The following AASS variants were observed in gnomAD, a reference collection of about 807,000 sequenced individuals.
The protein encoded by AASS is aminoadipate-semialdehyde synthase.
In AASS, 86 loss-of-function variants were observed where a neutral mutation model predicts 105.4. The observed-to-expected ratio is 0.82, with a 90% CI of 0.69 to 0.98. The LOEUF (loss-of-function observed/expected upper bound fraction) is 0.98, where lower values mean the gene tolerates loss of function less well. AASS is among the 50% of genes least tolerant of loss of function. AASS has a pLI of 0.00. For missense variants in AASS, 1,048 were observed against 1,143.2 expected, an observed-to-expected ratio of 0.92 and a Z score of 1.20; for synonymous variants, 381 against 394.8, an observed-to-expected ratio of 0.96 and a Z score of 0.41.
chr7:122,099,791 A>C (rs1794341423), intron 13 of AASS, among the ~76,000 whole-genome samples: 1 of 151,878 alleles, frequency 6.6e-6, no homozygotes, highest in South Asian at 2.1e-4. Flanking sequence ...AAATAAATAT[A>C]AGTATAAAAA....
chr7:122,103,093 G>A lies in AASS; in HGVS notation c.1279-1413C>T, dbSNP rs189809903. 4.9e-3 allele frequency among the ~76,000 whole-genome samples: 740 copies of A among 152,042 alleles called. 10 individuals are homozygous for A. Among genetic ancestry groups the A allele is most frequent in the Middle Eastern group, 0.02 (6 of 294 alleles). On this transcript the variant is annotated intron_variant, in intron 11 of 23. Coordinates refer to ENST00000417368, the MANE Select transcript of AASS (RefSeq NM_005763.4). ...GAAAAATAACATGTTTCAAGCCTTG[G>A]AAGACAGATGAACATCCAAATATAT... is the stretch of plus-strand genomic sequence containing the variant.
At chr7:122,118,210 A>C in intron 6 of AASS, 97 bp downstream of exon 6, 2 of 1,363,908 alleles carry the variant, frequency 1.5e-6, no homozygotes, top group Middle Eastern at 1.8e-4. Flanking sequence ...TAGAATCTCC[A>C]GTCCATTTGA....
Position 122,074,662 on chromosome 7 carries a change from G to A in AASS, c.*1827C>T, listed in dbSNP as rs1447060465. ...GAGTTAATTTTTATATGCAATATGA[G>A]GTAGGAGTCCAATTTCATTATTTTG... is the stretch of plus-strand genomic sequence containing the variant. On this transcript the variant is annotated 3_prime_UTR_variant, in exon 24 of 24. Transcript: ENST00000417368. Among the ~76,000 whole-genome samples, 1 of 152,056 alleles carries A rather than the reference G, an allele frequency of 6.6e-6. No homozygotes were observed. Among genetic ancestry groups the A allele is most frequent in the African/African-American group, 2.4e-5 (1 of 41,390 alleles).
intron 18 of AASS, 81 bp downstream of exon 18, chr7:122,091,622 G>C: frequency 1.9e-6 from 3 of 1,602,984 alleles, no homozygotes; most frequent in East Asian, 2.2e-5. Context: ...ATTATTAAAG[G>C]GTTTGGGATC....
chr7:122,101,382 G>A lies in AASS; in HGVS notation c.1395C>T (p.Leu465=). 6.2e-7 allele frequency: 1 copy of A among 1,607,878 alleles called. No individual in the cohort carries two copies. The highest frequency in any genetic ancestry group is 8.5e-7 in the Non-Finnish European group (1 of 1,174,968). The change falls in exon 13 of 24, where the codon CTC becomes CTT. Residue 465 remains leucine (L), a synonymous_variant. Coordinates refer to ENST00000417368, the MANE Select transcript of AASS (RefSeq NM_005763.4). ...LPDKYKYIQT[L]RESRERAQSL... Reference sequence around the variant, plus strand: ...TGAACAATACTTACCTGCTCTCCCGGAGTGTCTGGATATATTTATATTTAT... The same window carrying A: ...TGAACAATACTTACCTGCTCTCCCGAAGTGTCTGGATATATTTATATTTAT...
In AASS at chr7:122,118,687, C is replaced by T. The variant is rs279678; in HGVS notation, c.473-57G>A. 1,360 of 1,554,922 alleles carry T rather than the reference C, an allele frequency of 8.7e-4. 7 individuals carry two copies. The African/African-American group carries it at 0.016, about 18-fold the overall frequency. On this transcript the variant is annotated intron_variant, in intron 4 of 23. Coordinates refer to ENST00000417368, the MANE Select transcript of AASS (RefSeq NM_005763.4). Reference sequence around the variant, plus strand: ...TTAGTTGGGAAGAATTTAAGCTGTTCTCTCTGCTCGTTCTCCAATCTGCAT... The same window carrying T: ...TTAGTTGGGAAGAATTTAAGCTGTTTTCTCTGCTCGTTCTCCAATCTGCAT...
chr7:122,135,954 C>G (rs760736926), intron 1 of AASS, among the ~76,000 whole-genome samples: 4 of 152,124 alleles, frequency 2.6e-5, no homozygotes, highest in Non-Finnish European at 5.9e-5. Flanking sequence ...TTCTACCCAA[C>G]TTCAATTGGA....
rs748717715 is a variant in AASS at position 122,086,032 on chromosome 7, G to A, written c.2164C>T (p.Arg722Trp). The A allele has an allele frequency of 1.5e-5, 25 of 1,613,330 alleles. No homozygotes were observed. Among genetic ancestry groups the A allele is most frequent in the East Asian group, 4.5e-5 (2 of 44,846 alleles). The change falls in exon 19 of 24, where the codon CGG becomes TGG. Residue 722 changes from arginine to tryptophan, a missense_variant. Arg to Trp is a moderately radical substitution (Grantham distance 101). Transcript: ENST00000417368. ...CTTACCTTATATCTCAGTGTCCCCC[G>A]CAACAAAGTGTGAGCAGAAGAAATG... ...YGISSAHTLL[R>W]GTLRYKGYMK... is the part of the protein sequence containing the mutation.
chr7:122,122,996 C>A (rs1437845441), intron 4 of AASS, among the ~76,000 whole-genome samples: 1 of 152,100 alleles, frequency 6.6e-6, no homozygotes, highest in East Asian at 1.9e-4. Context: ...GCTGGTTTAG[C>A]CACACACTTC....
At chr7:122,077,333 T>C (rs928587830) in intron 23 of AASS, among the ~76,000 whole-genome samples, 2 of 152,206 alleles carry the variant, frequency 1.3e-5, no homozygotes, top group Non-Finnish European at 2.9e-5. Context: ...GTACTAATAA[T>C]ATGCTGAGAT....
At chr7:122,142,337 C>T (rs1279814844) in intron 1 of AASS, among the ~76,000 whole-genome samples, 1 of 152,088 alleles carries the variant, frequency 6.6e-6, no homozygotes, top group East Asian at 1.9e-4. Flanking sequence ...CAAAAGCGAG[C>T]ACAACCACGC....
In AASS at chr7:122,134,621, G is replaced by A. The variant is rs530341797; in HGVS notation, c.-15-880C>T. The stretch of plus-strand genomic sequence containing the variant: ...TTTTTTCTAGTAATTTATTGTTACC[G>A]GATTTTACAAAAGTATTGGTCCTCA... On this transcript the variant is annotated intron_variant, in intron 1 of 23. Transcript: ENST00000417368. 5.3e-5 allele frequency among the ~76,000 whole-genome samples: 8 copies of A among 152,186 alleles called. No individual in the cohort carries two copies. In the East Asian group the frequency reaches 5.8e-4, roughly 11 times the overall value.
chr7:122,124,467 G>A (rs2150545905), intron 4 of AASS, among the ~76,000 whole-genome samples: 1 of 152,268 alleles, frequency 6.6e-6, no homozygotes, highest in South Asian at 2.1e-4. Context: ...ATTTTTAGTA[G>A]AGAAGGGGTT....
intron 11 of AASS, among the ~76,000 whole-genome samples, chr7:122,111,868 C>T (rs1794953731): frequency 6.6e-6 from 1 of 152,068 alleles, no homozygotes; most frequent in African/African-American, 2.4e-5. Context: ...TGCATCACTG[C>T]ACTCCAGCCT....
chr7:122,122,251 A>C (rs182239562), intron 4 of AASS, among the ~76,000 whole-genome samples: 3 of 152,164 alleles, frequency 2.0e-5, no homozygotes. Flanking sequence ...TGATTTCTTT[A>C]CTTTCTTCCT....
At chr7:122,118,082 T>TA (rs1388741651) in intron 6 of AASS, among the ~76,000 whole-genome samples, 5 of 152,032 alleles carry the variant, frequency 3.3e-5, no homozygotes, top group Admixed American at 2.6e-4. Context: ...CATATACACT[T>TA]ACACATACAC....
chr7:122,104,199 C>T (rs1310889115), intron 11 of AASS, among the ~76,000 whole-genome samples: 1 of 151,940 alleles, frequency 6.6e-6, no homozygotes, highest in Non-Finnish European at 1.5e-5. Flanking sequence ...CTCTACTATT[C>T]ACAATAGCAA....
At chr7:122,086,254 C>A in intron 18 of AASS, 75 bp from the exon 19 acceptor site, 14 of 1,367,980 alleles carry the variant, frequency 1.0e-5, no homozygotes, top group East Asian at 2.3e-5. Context: ...ATTATACGAA[C>A]AAAGAAAGCA....
At position 122,081,503 on chromosome 7, in the gene AASS, G is replaced by T. The variant is rs369222602; in HGVS notation, c.2277C>A (p.Thr759=). 5.6e-6 allele frequency: 9 copies of T among 1,612,408 alleles called. No individual in the cohort carries two copies. In the East Asian group the frequency reaches 2.0e-4, roughly 36 times the overall value. ...PAFRPEANPL[T]WKQLLCDLVG... The stretch of plus-strand genomic sequence containing the variant: ...AACGTAATTCGGAGTCACTCACCCA[G>T]GTGAGAGGGTTGGCCTCAGGTCTAA... Residue 759 remains threonine (T), a synonymous_variant, in exon 20 of 24, where the codon ACC becomes ACA. Transcript: ENST00000417368.
Sources: gnomAD v4.1 joint callset for allele counts (sites outside exome capture counted in the v4.1 genomes callset) on GRCh38, gnomAD v4.1.1 for gene constraint, MANE v1.5 for transcripts, NCBI Gene and HGNC (gene_info 2026-07-23, HGNC 2026-07-21) for gene names.